PROCA1: variants seen among roughly 807,000 people sequenced by gnomAD.
PROCA1 encodes protein interacting with cyclin A1.
A neutral mutation model predicts 23.2 loss-of-function variants in PROCA1; 22 were observed. The observed-to-expected ratio is 0.95, with a 90% CI of 0.68 to 1.35. The LOEUF is 1.35. Ranked by LOEUF, PROCA1 falls within the 40% of genes most tolerant of loss-of-function variation. The probability of loss-of-function intolerance (pLI) is 0.00; values close to 1 mark genes in which losing one functional copy is unlikely to be tolerated. For synonymous variants in PROCA1, 182 were observed against 179.2 expected, an observed-to-expected ratio of 1.02 and a Z score of -0.12; for missense variants, 469 against 459.8, an observed-to-expected ratio of 1.02 and a Z score of -0.18.
chr17:28,706,657 G>A, intron 2 of PROCA1, 23 bp downstream of exon 2: 1 of 1,299,590 alleles, frequency 7.7e-7, no homozygotes, highest in Non-Finnish European at 1.0e-6. Flanking sequence ...GGATCCCCTG[G>A]GTCAAAGGTC....
At chr17:28,706,458 A>G (rs1377251658) in intron 2 of PROCA1, 1 of 252,364 alleles carries the variant, frequency 4.0e-6, no homozygotes, top group African/African-American at 2.2e-5. Context: ...ACATATGTCA[A>G]AGATACTTAT....
intron 2 of PROCA1, chr17:28,705,658 A>G (rs1280167249): frequency 1.3e-5 from 2 of 152,616 alleles, no homozygotes; most frequent in African/African-American, 2.4e-5. Flanking sequence ...GCTCAGCTCA[A>G]TGCCAGTCCT....
At chr17:28,704,471 A>C (rs1597730506) in intron 3 of PROCA1, 36 bp from the exon 4 acceptor site, 1 of 1,592,760 alleles carries the variant, frequency 6.3e-7, no homozygotes, top group Non-Finnish European at 8.6e-7. Flanking sequence ...GGCTCCCATC[A>C]CTCCCCCAGG....
At chr17:28,711,139 C>A in intron 1 of PROCA1, 1 of 1,186,080 alleles carries the variant, frequency 8.4e-7, no homozygotes, top group Non-Finnish European at 1.1e-6. Flanking sequence ...CGGGTGGAAC[C>A]CTCAGTCTCC....
intron 1 of PROCA1, 71 bp downstream of exon 1, chr17:28,711,499 C>A (rs2032783033): frequency 7.5e-7 from 1 of 1,335,378 alleles, no homozygotes; most frequent in Non-Finnish European, 1.0e-6. Flanking sequence ...TTGCCGGCTT[C>A]CCGCGTGCGC....
At position 28,711,874 on chromosome 17, in the gene PROCA1, C is replaced by G; in HGVS notation, c.-214G>C. On this transcript the variant is annotated 5_prime_UTR_variant, in exon 1 of 5. Transcript: ENST00000682792. ...CTTCCCAGCTGGGTCTCAGCGTCAGCCGCGTTCTTCATCCGGGGCCTCCGG... is the reference window on the plus strand; with the variant it reads ...CTTCCCAGCTGGGTCTCAGCGTCAGGCGCGTTCTTCATCCGGGGCCTCCGG... 1 of 489,610 alleles carries G rather than the reference C, an allele frequency of 2.0e-6. No individual in the cohort carries two copies. Among genetic ancestry groups the G allele is most frequent in the Non-Finnish European group, 3.6e-6 (1 of 278,922 alleles). The allele number at this position is 489,610 out of a possible 1,614,324, so 30.3% of individuals were successfully genotyped here. A position where few individuals can be genotyped will look rare whatever the true frequency, so the allele number is the denominator to read the frequency against.
At chr17:28,708,295 G>T (rs1373869631) in intron 1 of PROCA1, among the ~76,000 whole-genome samples, 1 of 152,190 alleles carries the variant, frequency 6.6e-6, no homozygotes, top group Non-Finnish European at 1.5e-5. Flanking sequence ...GTGAGCCACT[G>T]CGCCCGGCCT....
chr17:28,705,735 C>T (rs1331915443), intron 2 of PROCA1: 4 of 152,450 alleles, frequency 2.6e-5, no homozygotes, highest in Admixed American at 1.3e-4. Context: ...GCCCGGCTGT[C>T]CCCTCAGGCC....
At position 28,706,437 on chromosome 17, in the gene PROCA1, G is replaced by A. The variant is rs536571733; in HGVS notation, c.175+243C>T. On this transcript the variant is annotated intron_variant, in intron 2 of 4. Coordinates refer to ENST00000682792, the MANE Select transcript of PROCA1 (RefSeq NM_001366301.1). ...TACCAATTTTGCAGGGTTGTTGGGC[G>A]GACTCAATTCACATATGTCAAAGAT... 63 of 229,082 alleles carry A rather than the reference G, an allele frequency of 2.8e-4. No individual in the cohort carries two copies. In the South Asian group the frequency reaches 2.9e-3, roughly 11 times the overall value. The allele number at this position is 229,082 out of a possible 1,614,324, so 14.2% of individuals were successfully genotyped here. A position where few individuals can be genotyped will look rare whatever the true frequency, so the allele number is the denominator to read the frequency against.
intron 1 of PROCA1, among the ~76,000 whole-genome samples, chr17:28,710,075 C>G (rs1360068029): frequency 6.6e-6 from 1 of 152,146 alleles, no homozygotes; most frequent in Non-Finnish European, 1.5e-5. Context: ...TCCTCACCCT[C>G]TGGTTTTACT....
chr17:28,703,546 A>AC lies in PROCA1; in HGVS notation c.*11dup, dbSNP rs1333377156. On this transcript the variant is annotated 3_prime_UTR_variant, in exon 5 of 5. Coordinates refer to ENST00000682792, the MANE Select transcript of PROCA1 (RefSeq NM_001366301.1). ...TCGATGGCATTTATTCTGCACCCTG[A>AC]CCACCCTGGCCTCAACTGAGGTTGG... The AC allele has an allele frequency of 6.2e-7, 1 of 1,608,608 alleles. No individual in the cohort carries two copies. The highest frequency in any genetic ancestry group is 8.5e-7 in the Non-Finnish European group (1 of 1,177,124).
chr17:28,704,001 A>G lies in PROCA1; in HGVS notation c.652T>C (p.Trp218Arg). The G allele has an allele frequency of 6.2e-7, 1 of 1,611,328 alleles. No individual in the cohort carries two copies. Among genetic ancestry groups the G allele is most frequent in the Non-Finnish European group, 8.5e-7 (1 of 1,178,916 alleles). ...TTCCCTGTGGGGCTCTCAGAGCGCC[A>G]GATGGTGATGGGCGCTGTGGAGTCA... ...TPDSTAPITI[W>R]RSESPTGKGQ... is the part of the protein sequence containing the mutation. Residue 218 changes from tryptophan (W) to arginine (R), a missense_variant, in exon 5 of 5, where the codon TGG becomes CGG. Physicochemically the swap from Trp to Arg is moderately radical, Grantham distance 101 (BLOSUM62 -3). Coordinates refer to ENST00000682792, the MANE Select transcript of PROCA1 (RefSeq NM_001366301.1).
At chr17:28,707,836 A>G (rs2032591048) in intron 1 of PROCA1, 1 of 152,176 alleles carries the variant, frequency 6.6e-6, no homozygotes, top group Non-Finnish European at 1.5e-5. Context: ...CCCAGTCCCT[A>G]CCTTCAGTGA....
In PROCA1 at chr17:28,703,873, C is replaced by T. The variant is rs1391686136; in HGVS notation, c.780G>A (p.Lys260=). ...DEKAKLKKKA[K]KGQLTKKKSP... ...TTTTCTTCTTAGTCAACTGGCCTTTCTTGGCTTTTTTCTTCAGCTTTGCCT... is the reference window on the plus strand; with the variant it reads ...TTTTCTTCTTAGTCAACTGGCCTTTTTTGGCTTTTTTCTTCAGCTTTGCCT... The change falls in exon 5 of 5, where the codon AAG becomes AAA. Residue 260 remains lysine, a synonymous_variant. Transcript: ENST00000682792. 1.2e-6 allele frequency: 2 copies of T among 1,614,164 alleles called. No homozygotes were observed. Among genetic ancestry groups the T allele is most frequent in the Non-Finnish European group, 1.7e-6 (2 of 1,180,048 alleles).
In PROCA1 at chr17:28,704,741, AG is replaced by A; in HGVS notation, c.277del (p.Leu93TyrfsTer13). Reference protein sequence around the residue: ...ASDCVRHSLHLHSVNHCNCNS... With the variant: ...ASDCVRHSLHXHSVNHCNCNS... ...ACAGTTGCAGTGGTTGACAGAGTGT[AG>A]GTGCAGGCTGTGGCGGACACAGTCA... On this transcript the variant is annotated frameshift_variant, in exon 3 of 5. Transcript: ENST00000682792. LOFTEE classifies it high-confidence loss of function. 6.2e-7 allele frequency: 1 copy of A among 1,614,144 alleles called. No homozygotes were observed. The highest frequency in any genetic ancestry group is 1.3e-5 in the African/African-American group (1 of 75,054).
chr17:28,708,858 A>G (rs2032650437), intron 1 of PROCA1, among the ~76,000 whole-genome samples: 1 of 152,030 alleles, frequency 6.6e-6, no homozygotes, highest in African/African-American at 2.4e-5. Context: ...TAGCTGGCTT[A>G]GTGGTGCACA....
rs2032792059 is a variant in PROCA1, at chr17:28,711,626, C to T, written c.35G>A (p.Trp12Ter). The change falls in exon 1 of 5, where the codon TGG becomes TAG. Residue 12 changes from tryptophan to a stop codon, truncating the protein, a stop_gained. Transcript: ENST00000682792. LOFTEE classifies it high-confidence loss of function. ...WVRTTLTIER[W>*]TKEKTEPKAR... The stretch of plus-strand genomic sequence containing the variant: ...CTTGGGCTCGGTCTTTTCCTTAGTC[C>T]ATCTTTCAATTGTGAGCGTCGTCCT... 6.2e-7 allele frequency: 1 copy of T among 1,612,732 alleles called. No homozygotes were observed. Among genetic ancestry groups the T allele is most frequent in the Non-Finnish European group, 8.5e-7 (1 of 1,179,612 alleles).
At chr17:28,710,895 CCTCCCCGTCCTGCGGGGCCGAGGAGCT>C in intron 1 of PROCA1, 1 of 1,302,296 alleles carries the variant, frequency 7.7e-7, no homozygotes, top group South Asian at 1.2e-5. Context: ...TGTACAGAAT[CCTCCCCGTCCTGCGGGGCCGAGGAGCT>C]CTCCTCGACC....
chr17:28,703,741 C>T lies in PROCA1; in HGVS notation c.912G>A (p.Glu304=). Reference sequence around the variant, plus strand: ...CCCGGCCATTGTAACTGTCCTCGCTCTCCAGCTCTTCCCGGCTTTCTGGGC... The same window carrying T: ...CCCGGCCATTGTAACTGTCCTCGCTTTCCAGCTCTTCCCGGCTTTCTGGGC... ...ESSPESREEL[E]SEDSYNGRGQ... Residue 304 remains glutamate, a synonymous_variant, in exon 5 of 5, where the codon GAG becomes GAA. Transcript: ENST00000682792. 6.2e-7 allele frequency: 1 copy of T among 1,614,134 alleles called. No homozygotes were observed. Among genetic ancestry groups the T allele is most frequent in the Non-Finnish European group, 8.5e-7 (1 of 1,180,042 alleles).
Sources: allele counts gnomAD v4.1 joint callset (sites outside exome capture counted in the v4.1 genomes callset), GRCh38; gene constraint gnomAD v4.1.1; transcripts MANE v1.5; gene names NCBI Gene and HGNC (gene_info 2026-07-23, HGNC 2026-07-21).